REC114: variants seen among roughly 807,000 people sequenced by gnomAD.
REC114 encodes meiotic recombination protein REC114.
In REC114, 27 loss-of-function variants were observed where a neutral mutation model predicts 31.3. The observed-to-expected ratio is 0.86, with a 90% CI of 0.64 to 1.19. The LOEUF (loss-of-function observed/expected upper bound fraction) is 1.19, where lower values mean the gene tolerates loss of function less well. Ranked by LOEUF, REC114 falls within the 50% of genes most tolerant of loss-of-function variation. The probability of loss-of-function intolerance (pLI) is 0.00; values close to 1 mark genes in which losing one functional copy is unlikely to be tolerated. For synonymous variants in REC114, 134 were observed against 127.7 expected, an observed-to-expected ratio of 1.05 and a Z score of -0.33; for missense variants, 344 against 326.9, an observed-to-expected ratio of 1.05 and a Z score of -0.40.
chr15:73,505,533 CT>C (rs564162008), intron 2 of REC114, among the ~76,000 whole-genome samples: 18 of 147,910 alleles, frequency 1.2e-4, no homozygotes, highest in South Asian at 2.2e-4. Context: ...CTTCTCCTTC[CT>C]TTTTTTTTTG....
intron 2 of REC114, among the ~76,000 whole-genome samples, chr15:73,524,624 G>T (rs969359050): frequency 6.6e-6 from 1 of 152,102 alleles, no homozygotes; most frequent in African/African-American, 2.4e-5. Flanking sequence ...TGGAGACAGA[G>T]TCTCACTCTG....
intron 1 of REC114, among the ~76,000 whole-genome samples, chr15:73,453,956 C>A (rs984836080): frequency 2.4e-5 from 1 of 41,644 alleles, no homozygotes; most frequent in Admixed American, 3.3e-4. Flanking sequence ...CATCACACAC[C>A]GGGGTCTGTA....
intron 5 of REC114, among the ~76,000 whole-genome samples, chr15:73,557,340 G>A (rs1894484152): frequency 6.7e-6 from 1 of 149,220 alleles, no homozygotes; most frequent in South Asian, 2.1e-4. Context: ...AAATTGCTAG[G>A]ATTACAGGTG....
At chr15:73,535,157 A>G (rs944542925) in intron 2 of REC114, among the ~76,000 whole-genome samples, 1 of 145,316 alleles carries the variant, frequency 6.9e-6, no homozygotes, top group Admixed American at 6.9e-5. Flanking sequence ...CCTATTCAAC[A>G]TAGTGTTGGA....
intron 1 of REC114, among the ~76,000 whole-genome samples, chr15:73,458,648 C>T (rs1458025462): frequency 6.6e-6 from 1 of 152,162 alleles, no homozygotes; most frequent in Non-Finnish European, 1.5e-5. Flanking sequence ...TGTGCATGGC[C>T]ATGGTCTCAC....
chr15:73,489,389 A>G lies in REC114; in HGVS notation c.249+15468A>G, dbSNP rs908565956. Among the ~76,000 whole-genome samples, 4 of 151,686 alleles carry G rather than the reference A, an allele frequency of 2.6e-5. No homozygotes were observed. In the East Asian group the frequency reaches 5.8e-4, roughly 22 times the overall value. On this transcript the variant is annotated intron_variant, in intron 2 of 5. Coordinates refer to ENST00000331090, the MANE Select transcript of REC114 (RefSeq NM_001042367.2). ...CAGATAATTTTTGTATTTTTTTAGTAGAGATGGGGTTTCATCAACATGGTC... is the reference window on the plus strand; with the variant it reads ...CAGATAATTTTTGTATTTTTTTAGTGGAGATGGGGTTTCATCAACATGGTC...
At chr15:73,490,167 T>C (rs1473223912) in intron 2 of REC114, among the ~76,000 whole-genome samples, 1 of 152,240 alleles carries the variant, frequency 6.6e-6, no homozygotes, top group African/African-American at 2.4e-5. Context: ...TCTGCATTTT[T>C]TTCAAAGACA....
In REC114 at chr15:73,529,138, A is replaced by AT. The variant is rs1205314053; in HGVS notation, c.250-11343dup. Among the ~76,000 whole-genome samples, 1,023 of 150,348 alleles carry AT rather than the reference A, an allele frequency of 6.8e-3. 18 individuals carry two copies. The highest frequency in any genetic ancestry group is 0.024 in the African/African-American group (979 of 40,738). ...TTTTATTTTTATTATTTATTTATTT[A>AT]TTTTATTTTTTTTTTTGGAGACAGA... On this transcript the variant is annotated intron_variant, in intron 2 of 5. Coordinates refer to ENST00000331090, the MANE Select transcript of REC114 (RefSeq NM_001042367.2).
intron 2 of REC114, among the ~76,000 whole-genome samples, chr15:73,492,822 G>T (rs763347583): frequency 4.6e-5 from 7 of 151,998 alleles, no homozygotes; most frequent in African/African-American, 1.7e-4. Context: ...CTTTTTAGCC[G>T]TTTTGGTAGG....
chr15:73,535,465 C>G (rs986804559), intron 2 of REC114, among the ~76,000 whole-genome samples: 3 of 151,598 alleles, frequency 2.0e-5, no homozygotes, highest in Non-Finnish European at 4.4e-5. Flanking sequence ...ATCCAACTTA[C>G]AAGGGATGTG....
intron 1 of REC114, among the ~76,000 whole-genome samples, chr15:73,464,732 A>G (rs1001984325): frequency 1.3e-5 from 2 of 152,166 alleles, no homozygotes; most frequent in Non-Finnish European, 2.9e-5. Flanking sequence ...TCTAGGGACT[A>G]GGCTCTCTCA....
chr15:73,443,370 C>G, intron 1 of REC114, 26 bp downstream of exon 1: 3 of 1,548,554 alleles, frequency 1.9e-6, no homozygotes, highest in Non-Finnish European at 2.6e-6. Context: ...AGGAATATCC[C>G]TGAGGTGCCC....
intron 2 of REC114, among the ~76,000 whole-genome samples, chr15:73,513,759 G>A (rs935117603): frequency 4.0e-5 from 6 of 150,182 alleles, no homozygotes; most frequent in Admixed American, 6.6e-5. Context: ...GGCTGCTCGG[G>A]GGTCAGGGGT....
chr15:73,469,200 A>G (rs1893101254), intron 1 of REC114, among the ~76,000 whole-genome samples: 2 of 152,150 alleles, frequency 1.3e-5, no homozygotes, highest in Admixed American at 1.3e-4. Flanking sequence ...AGAGAGGGGT[A>G]TTAAAATCTG....
At chr15:73,502,812 T>C (rs577539867) in intron 2 of REC114, among the ~76,000 whole-genome samples, 2 of 152,312 alleles carry the variant, frequency 1.3e-5, no homozygotes, top group South Asian at 4.1e-4. Context: ...TTATGTTGAT[T>C]TTATGGAACC....
chr15:73,514,026 G>A (rs1047170339), intron 2 of REC114, among the ~76,000 whole-genome samples: 2 of 152,060 alleles, frequency 1.3e-5, no homozygotes, highest in African/African-American at 2.4e-5. Flanking sequence ...GGGCAATGGC[G>A]GGCGCCCCTC....
chr15:73,453,231 C>G (rs1222469644), intron 1 of REC114, among the ~76,000 whole-genome samples: 1 of 152,156 alleles, frequency 6.6e-6, no homozygotes, highest in Admixed American at 6.5e-5. Context: ...TGCAATCTAT[C>G]CAGCTGACAG....
At chr15:73,458,228 A>C (rs1341677365) in intron 1 of REC114, among the ~76,000 whole-genome samples, 2 of 152,196 alleles carry the variant, frequency 1.3e-5, no homozygotes, top group Non-Finnish European at 2.9e-5. Flanking sequence ...TTTTCCATTT[A>C]ATTCTCACAT....
intron 3 of REC114, among the ~76,000 whole-genome samples, chr15:73,544,258 T>G (rs1250376236): frequency 6.6e-6 from 1 of 152,224 alleles, no homozygotes; most frequent in Admixed American, 6.5e-5. Flanking sequence ...ATCTATTGAC[T>G]TGATGTAATA....
Sources: allele counts gnomAD v4.1 joint callset (sites outside exome capture counted in the v4.1 genomes callset), GRCh38; gene constraint gnomAD v4.1.1; transcripts MANE v1.5; gene names NCBI Gene and HGNC (gene_info 2026-07-23, HGNC 2026-07-21).